MED13L: variants seen among roughly 807,000 people sequenced by gnomAD.
MED13L encodes mediator of RNA polymerase II transcription subunit 13-like.
Under a neutral mutation model 220.9 loss-of-function variants are expected in MED13L, and 7 were observed. That is an observed-to-expected ratio of 0.03 (90% CI 0.02 to 0.06). The LOEUF is 0.06. Among genes scored for constraint, MED13L ranks in the 10% least tolerant of loss-of-function variants. MED13L has a pLI of 1.00. For synonymous variants in MED13L, 1,011 were observed against 1,015.2 expected (o/e 1.00, Z 0.08); for missense variants, 1,965 against 2,760.5 (o/e 0.71, Z 6.46).
chr12:116,057,663 T>A (rs1221636014), intron 4 of MED13L, among the ~76,000 whole-genome samples: 1 of 151,500 alleles, frequency 6.6e-6, no homozygotes, highest in Non-Finnish European at 1.5e-5. Context: ...CTGAAACAGT[T>A]TAGACATGGA....
chr12:116,132,468 G>A (rs1417899627), intron 2 of MED13L, among the ~76,000 whole-genome samples: 1 of 151,664 alleles, frequency 6.6e-6, no homozygotes, highest in African/African-American at 2.4e-5. Flanking sequence ...AAATATTATC[G>A]GATACTACAA....
At chr12:116,237,805 T>C in intron 1 of MED13L, 100 bp from the exon 2 acceptor site, 3 of 1,054,412 alleles carry the variant, frequency 2.8e-6, no homozygotes, top group Non-Finnish European at 4.4e-6. Flanking sequence ...AAATAAATAT[T>C]TACACGAAAC....
chr12:116,244,117 T>G (rs1380974744), intron 1 of MED13L, among the ~76,000 whole-genome samples: 1 of 152,210 alleles, frequency 6.6e-6, no homozygotes, highest in Non-Finnish European at 1.5e-5. Flanking sequence ...GCAGCTGTGA[T>G]CATTTGAGGC....
chr12:116,193,910 T>A (rs537612557), intron 2 of MED13L, among the ~76,000 whole-genome samples: 1 of 152,266 alleles, frequency 6.6e-6, no homozygotes, highest in Non-Finnish European at 1.5e-5. Context: ...TAGTCAAAGA[T>A]TAAAGCTGAT....
chr12:116,052,669 A>G (rs531688287), intron 4 of MED13L, among the ~76,000 whole-genome samples: 2 of 152,226 alleles, frequency 1.3e-5, no homozygotes, highest in Non-Finnish European at 2.9e-5. Context: ...GCATTACACC[A>G]TTTTGACAAA....
chr12:116,022,494 T>C lies in MED13L; in HGVS notation c.587A>G (p.His196Arg). The C allele has an allele frequency of 6.2e-7, 1 of 1,613,828 alleles. No homozygotes were observed. Among genetic ancestry groups the C allele is most frequent in the Non-Finnish European group, 8.5e-7 (1 of 1,179,884 alleles). Residue 196 changes from histidine to arginine, a missense_variant, in exon 5 of 31, where the codon CAT (histidine) becomes CGT (arginine). His to Arg is a conservative substitution (Grantham distance 29, BLOSUM62 0). Coordinates refer to ENST00000281928, the MANE Select transcript of MED13L (RefSeq NM_015335.5). ...HQPIYLINEE[H>R]IHMAQSSPAP... ...AGGTGAAGACTGAGCCATGTGTATA[T>C]GCTCCTCATTGATCAAATAAATTGG...
At chr12:115,984,060 A>T in intron 20 of MED13L, 120 bp downstream of exon 20, 1 of 1,172,294 alleles carries the variant, frequency 8.5e-7, no homozygotes. Flanking sequence ...ACTGGACCTT[A>T]ACAAATACAG....
chr12:116,046,359 C>T (rs772553233), intron 4 of MED13L, among the ~76,000 whole-genome samples: 1 of 151,902 alleles, frequency 6.6e-6, no homozygotes, highest in African/African-American at 2.4e-5. Flanking sequence ...AAAGTTAATG[C>T]TCTGATACAA....
rs1312278365 is a variant in MED13L at position 115,958,912 on chromosome 12, G to C, written c.*2354C>G. On this transcript the variant is annotated 3_prime_UTR_variant, in exon 31 of 31. Coordinates refer to ENST00000281928, the MANE Select transcript of MED13L (RefSeq NM_015335.5). Reference sequence around the variant, plus strand: ...TCTGAAATATACATACAAGCATGCTGGACAATCCCACCCTTTTCCCCTCCC... The same window carrying C: ...TCTGAAATATACATACAAGCATGCTCGACAATCCCACCCTTTTCCCCTCCC... The C allele has an allele frequency of 1.3e-5, 2 of 152,414 alleles. No individual in the cohort carries two copies. Among genetic ancestry groups the C allele is most frequent in the Non-Finnish European group, 2.9e-5 (2 of 67,996 alleles). The allele number at this position is 152,414 out of a possible 1,614,324, so 9.4% of individuals were successfully genotyped here.
chr12:115,974,636 G>C (rs76089561), intron 25 of MED13L, among the ~76,000 whole-genome samples: 3 of 152,180 alleles, frequency 2.0e-5, no homozygotes, highest in Non-Finnish European at 4.4e-5. Flanking sequence ...ATCTGCTCTT[G>C]TAAGCTTCCA....
intron 4 of MED13L, among the ~76,000 whole-genome samples, chr12:116,039,831 G>A (rs1881416250): frequency 6.6e-6 from 1 of 152,032 alleles, no homozygotes; most frequent in Non-Finnish European, 1.5e-5. Flanking sequence ...CACCATGAAG[G>A]CGGTAAGACA....
chr12:116,238,045 C>G (rs976820799), intron 1 of MED13L, among the ~76,000 whole-genome samples: 8 of 152,170 alleles, frequency 5.3e-5, no homozygotes, highest in Non-Finnish European at 1.0e-4. Context: ...ATTCAACTCA[C>G]AAATTATATT....
chr12:115,970,478 A>G (rs1876504141), intron 27 of MED13L, 116 bp downstream of exon 27: 1 of 1,070,664 alleles, frequency 9.3e-7, no homozygotes, highest in South Asian at 1.4e-5. Context: ...TCCCCTCTTT[A>G]TAGTTCCTGG....
At position 116,212,783 on chromosome 12, in the gene MED13L, A is replaced by C. The variant is rs182553925; in HGVS notation, c.310+24685T>G. Reference sequence around the variant, plus strand: ...GGCTTAAAATACTATCGGGAATCTCAAGTGATTCCTAAATATACATAGTCC... The same window carrying C: ...GGCTTAAAATACTATCGGGAATCTCCAGTGATTCCTAAATATACATAGTCC... On this transcript the variant is annotated intron_variant, in intron 2 of 30. Transcript: ENST00000281928. 2.0e-4 allele frequency among the ~76,000 whole-genome samples: 31 copies of C among 152,318 alleles called. 1 individual carries two copies. The highest frequency in any genetic ancestry group is 1.7e-3 in the Admixed American group (26 of 15,292).
intron 1 of MED13L, among the ~76,000 whole-genome samples, chr12:116,274,991 TAAAA>T (rs11357820): frequency 7.4e-6 from 1 of 135,056 alleles, no homozygotes; most frequent in Admixed American, 7.5e-5. Flanking sequence ...ACTTAAGCTT[TAAAA>T]AAAAAAAAAA....
At chr12:116,197,968 T>C (rs921743222) in intron 2 of MED13L, among the ~76,000 whole-genome samples, 7 of 152,098 alleles carry the variant, frequency 4.6e-5, no homozygotes, top group African/African-American at 1.4e-4. Flanking sequence ...AGAATTTCCA[T>C]TGAAAAGAAA....
rs911625539 is a variant in MED13L at position 115,983,195 on chromosome 12, G to A, written c.4877C>T (p.Thr1626Met). 18 of 1,614,022 alleles carry A rather than the reference G, an allele frequency of 1.1e-5. No homozygotes were observed. The highest frequency in any genetic ancestry group is 3.3e-5 in the South Asian group (3 of 91,074). Residue 1626 changes from threonine (T) to methionine (M), a missense_variant, in exon 21 of 31, where the codon ACG becomes ATG. Physicochemically the swap from Thr to Met is moderately conservative, Grantham distance 81. This residue lies in a region of MED13L where 510 missense variants were observed against 620.4 expected (regional missense o/e 0.82). Transcript: ENST00000281928. ...TCCACCACAGCCTATGTTCCCTTGC[G>A]TTCTATCCGCAGAAATGCCCCCAGT... is the stretch of plus-strand genomic sequence containing the variant. ...PSTGGISADR[T>M]QGNIGCGGDT...
chr12:115,984,464 T>C, intron 19 of MED13L, 92 bp from the exon 20 acceptor site: 1 of 1,383,222 alleles, frequency 7.2e-7, no homozygotes, highest in Non-Finnish European at 1.0e-6. Context: ...AACATACATA[T>C]GGAAGCATTT....
rs1022106440 is a variant in MED13L, at chr12:116,276,345, TGTGTGTGC to T, written c.72+707_72+714del. ...GTGTGTGTGTGTGTGTGTGTGTGTG[TGTGTGTGC>T]GGATTCGTTGTTAGGATAGAGAAAA... On this transcript the variant is annotated intron_variant, in intron 1 of 30. Coordinates refer to ENST00000281928, the MANE Select transcript of MED13L (RefSeq NM_015335.5). 8.7e-5 allele frequency: 54 copies of T among 617,388 alleles called. 1 individual carries two copies. Among genetic ancestry groups the T allele is most frequent in the East Asian group, 6.0e-4 (9 of 14,948 alleles). 38.2% of individuals were successfully genotyped at this position (617,388 alleles called of 1,614,324 possible). A position where few individuals can be genotyped will look rare whatever the true frequency, so the allele number is the denominator to read the frequency against.
Sources: gnomAD v4.1 joint callset for allele counts (sites outside exome capture counted in the v4.1 genomes callset) on GRCh38, gnomAD v4.1.1 for gene constraint, gnomAD v4.1.1 regional missense constraint, MANE v1.5 for transcripts, NCBI Gene and HGNC (gene_info 2026-07-23, HGNC 2026-07-21) for gene names.